The following MAST3 variants were observed in gnomAD, a reference collection of about 807,000 sequenced individuals.
MAST3 encodes microtubule associated serine/threonine kinase 3.
In MAST3, 43 loss-of-function variants were observed where a neutral mutation model predicts 127.0. The ratio of observed to expected loss-of-function variants is 0.34; its 90% CI spans 0.27 to 0.44. The LOEUF (loss-of-function observed/expected upper bound fraction) is 0.44, where lower values mean the gene tolerates loss of function less well. MAST3 is among the 20% of genes least tolerant of loss of function. The pLI is 1.00. For synonymous variants in MAST3, 785 were observed against 809.2 expected (o/e 0.97, Z 0.51); for missense variants, 1,390 against 1,919.1 (o/e 0.72, Z 5.15).
At chr19:18,128,296 G>A (rs1245007070) in intron 11 of MAST3, 104 bp from the exon 12 acceptor site, 9 of 863,610 alleles carry the variant, frequency 1.0e-5, no homozygotes, top group African/African-American at 1.7e-5. Context: ...GGGAGGCACT[G>A]CATCCCCAGC....
chr19:18,109,084 G>A (rs1057352972), intron 2 of MAST3, among the ~76,000 whole-genome samples: 4 of 152,186 alleles, frequency 2.6e-5, no homozygotes, highest in African/African-American at 4.8e-5. Flanking sequence ...AGCTGGCAGC[G>A]GGGAAGTCTG....
chr19:18,135,107 G>A, intron 17 of MAST3, 125 bp downstream of exon 17: 2 of 1,167,904 alleles, frequency 1.7e-6, no homozygotes, highest in South Asian at 3.0e-5. Context: ...CAGGTGGGGA[G>A]GCGGTGGGGT....
At chr19:18,115,924 A>T (rs967525820) in intron 3 of MAST3, among the ~76,000 whole-genome samples, 5 of 152,152 alleles carry the variant, frequency 3.3e-5, no homozygotes, top group African/African-American at 1.2e-4. Flanking sequence ...TGCCTCAGAG[A>T]GTTGTGCCCT....
rs777488289 is a variant in MAST3, at chr19:18,123,383, C to T, written c.557+9C>T. The T allele has an allele frequency of 1.7e-5, 27 of 1,606,666 alleles. No individual in the cohort carries two copies. The highest frequency in any genetic ancestry group is 2.7e-5 in the African/African-American group (2 of 74,996). ...CGCTCTCGCAGTCTCAGGTGGGCCG[C>T]GACCTCTGGCCCCAGCCCCGGCCCC... On this transcript the variant is annotated intron_variant, in intron 7 of 27. Coordinates refer to ENST00000687212, the MANE Select transcript of MAST3 (RefSeq NM_001393504.1).
Position 18,149,247 on chromosome 19 carries a change from G to A in MAST3, c.3565G>A (p.Ala1189Thr). 6.6e-7 allele frequency: 1 copy of A among 1,517,796 alleles called. No homozygotes were observed. The highest frequency in any genetic ancestry group is 8.8e-7 in the Non-Finnish European group (1 of 1,133,870). The allele number at this position is 1,517,796 out of a possible 1,614,324, so 94.0% of individuals were successfully genotyped here. Residue 1189 changes from alanine (A) to threonine (T), a missense_variant, in exon 28 of 28, where the codon GCT becomes ACT. Physicochemically the swap from Ala to Thr is moderately conservative, Grantham distance 58 (BLOSUM62 0). This residue lies in a region of MAST3 where 816 missense variants were observed against 934.1 expected (regional missense o/e 0.87). Coordinates refer to ENST00000687212, the MANE Select transcript of MAST3 (RefSeq NM_001393504.1). The surrounding 1 kb of genome is among the most constrained non-coding windows in gnomAD (Gnocchi z 5.9). ...GAGCTCCAGCAGCCCCGCCTCCCCA[G>A]CTGCTGCTGGCCACACCCGCCCCAG... ...SPSSSSPASP[A>T]AAGHTRPSSL...
In MAST3 at chr19:18,144,130, AG is replaced by A. The variant is rs1267906365; in HGVS notation, c.2584+124del. 4 of 1,360,656 alleles carry A rather than the reference AG, an allele frequency of 2.9e-6. No individual in the cohort carries two copies. Among genetic ancestry groups the A allele is most frequent in the Non-Finnish European group, 2.9e-6 (3 of 1,022,510 alleles). 84.3% of individuals were successfully genotyped at this position (1,360,656 alleles called of 1,614,324 possible). On this transcript the variant is annotated intron_variant, in intron 22 of 27. Transcript: ENST00000687212. The surrounding 1 kb of genome is among the most constrained non-coding windows in gnomAD (Gnocchi z 4.0). ...GAGCCAACAAAGGCTTTAAGAGAGG[AG>A]AAGCCAGGGTCCCAGAGAGACCCCC...
chr19:18,111,523 CCA>C, intron 3 of MAST3, among the ~76,000 whole-genome samples: 1 of 140,274 alleles, frequency 7.1e-6, no homozygotes, highest in Non-Finnish European at 1.5e-5. Context: ...TTAACTCTTT[CCA>C]CAGACTTTTT....
intron 18 of MAST3, among the ~76,000 whole-genome samples, chr19:18,136,636 A>G (rs1423292804): frequency 6.6e-6 from 1 of 152,106 alleles, no homozygotes; most frequent in Non-Finnish European, 1.5e-5. Context: ...CATGTTGCCC[A>G]GGCTGGTCTC....
intron 11 of MAST3, among the ~76,000 whole-genome samples, chr19:18,127,663 G>A (rs4808749): frequency 0.63 from 96,238 of 151,784 alleles, 31,393 homozygotes; most frequent in East Asian, 0.85. Flanking sequence ...CAGCCTGGGC[G>A]ACAGAGTGAG....
At chr19:18,105,294 G>A (rs2037981287) in intron 1 of MAST3, among the ~76,000 whole-genome samples, 1 of 152,106 alleles carries the variant, frequency 6.6e-6, no homozygotes, top group African/African-American at 2.4e-5. Flanking sequence ...TTGAACCCGA[G>A]AGGCAGAGGT....
At chr19:18,140,406 C>T (rs1262607528) in intron 20 of MAST3, among the ~76,000 whole-genome samples, 2 of 152,068 alleles carry the variant, frequency 1.3e-5, no homozygotes, top group African/African-American at 2.4e-5. Context: ...ATAAAGTGTA[C>T]AATTTCGTGG....
Position 18,149,947 on chromosome 19 carries a change from G to A in MAST3, c.*221G>A. The A allele has an allele frequency of 2.0e-6, 1 of 503,522 alleles. No homozygotes were observed. Among genetic ancestry groups the A allele is most frequent in the Non-Finnish European group, 3.4e-6 (1 of 292,680 alleles). 31.2% of individuals were successfully genotyped at this position (503,522 alleles called of 1,614,324 possible). A position where few individuals can be genotyped will look rare whatever the true frequency, so the allele number is the denominator to read the frequency against. On this transcript the variant is annotated 3_prime_UTR_variant, in exon 28 of 28. Transcript: ENST00000687212. The surrounding 1 kb of genome is among the most constrained non-coding windows in gnomAD (Gnocchi z 5.9). ...GGGGACAAGGGTGGCTTTGTAAATA[G>A]CAGCAAATCCCTGCAACTAATTTAT... is the stretch of plus-strand genomic sequence containing the variant.
chr19:18,139,821 T>C (rs1051505087), intron 20 of MAST3, among the ~76,000 whole-genome samples: 8 of 149,420 alleles, frequency 5.4e-5, no homozygotes, highest in Non-Finnish European at 1.0e-4. Context: ...ATTTTTTTTT[T>C]TTCTTTTTTT....
chr19:18,130,048 G>A (rs1325673231), intron 13 of MAST3, among the ~76,000 whole-genome samples: 1 of 152,048 alleles, frequency 6.6e-6, no homozygotes, highest in Non-Finnish European at 1.5e-5. Context: ...CCAGGAGTTT[G>A]AGACTAGCCT....
Position 18,106,602 on chromosome 19 carries a change from G to A in MAST3, c.40-985G>A, listed in dbSNP as rs182767378. On this transcript the variant is annotated intron_variant, in intron 1 of 27. Coordinates refer to ENST00000687212, the MANE Select transcript of MAST3 (RefSeq NM_001393504.1). ...TTATTTATTTTTGAGATGGAGTTTC[G>A]CTCTTGTTTCCCAGGCTGGAGTGCA... Among the ~76,000 whole-genome samples, 1,285 of 144,956 alleles carry A rather than the reference G, an allele frequency of 8.9e-3. 20 individuals carry two copies. Among genetic ancestry groups the A allele is most frequent in the African/African-American group, 0.03 (1,159 of 39,002 alleles).
intron 11 of MAST3, among the ~76,000 whole-genome samples, chr19:18,126,804 A>G (rs1170657688): frequency 6.6e-6 from 1 of 151,530 alleles, no homozygotes. Context: ...TTTTTGAGAC[A>G]GAGTCTCGCT....
At chr19:18,099,784 G>A (rs1478982214) in intron 1 of MAST3, among the ~76,000 whole-genome samples, 1 of 152,244 alleles carries the variant, frequency 6.6e-6, no homozygotes, top group East Asian at 1.9e-4. Flanking sequence ...TTTCTTACCT[G>A]TTTATATGGG....
rs1159978439 is a variant in MAST3, at chr19:18,137,172, G to C, written c.1973-67G>C. On this transcript the variant is annotated intron_variant, in intron 18 of 27. Transcript: ENST00000687212. The stretch of plus-strand genomic sequence containing the variant: ...TACTATGTGTCCAGCATGGGCAGTG[G>C]GGGTAGGGGGGCATCCTGTGGCGGG... The C allele has an allele frequency of 1.4e-5, 22 of 1,576,576 alleles. No homozygotes were observed. The Admixed American group carries it at 3.3e-4, about 24-fold the overall frequency.
At chr19:18,134,405 G>A (rs1461213463) in intron 15 of MAST3, among the ~76,000 whole-genome samples, 174 bp from the exon 16 acceptor site, 1 of 152,186 alleles carries the variant, frequency 6.6e-6, no homozygotes, top group African/African-American at 2.4e-5. Context: ...AGCTGGGTGT[G>A]GTGGTGTGCA....
Sources: gnomAD v4.1 joint callset for allele counts (sites outside exome capture counted in the v4.1 genomes callset) on GRCh38, gnomAD v4.1.1 for gene constraint, gnomAD v4.1.1 regional missense constraint, Gnocchi (gnomAD v3.1) non-coding constraint, MANE v1.5 for transcripts, NCBI Gene and HGNC (gene_info 2026-07-23, HGNC 2026-07-21) for gene names.